Variants in DMD observed in about 807,000 individuals in gnomAD.
The protein encoded by DMD is dystrophin.
Under a neutral mutation model 330.1 loss-of-function variants are expected in DMD, and 63 were observed. That is an observed-to-expected ratio of 0.19 (90% CI 0.16 to 0.24). The LOEUF is 0.24. Among genes scored for constraint, DMD ranks in the 10% least tolerant of loss-of-function variants. The pLI is 1.00. For synonymous variants in DMD, 1,223 were observed against 959.8 expected (o/e 1.27, Z -5.07); for missense variants, 3,344 against 2,684.1 (o/e 1.25, Z -5.43).
rs398123872 is a variant in DMD at position 32,545,295 on chromosome X, G to C, written c.2032C>G (p.Gln678Glu). 28 of 1,210,959 alleles carry C rather than the reference G, an allele frequency of 2.3e-5. No homozygotes were observed. Among genetic ancestry groups the C allele is most frequent in the South Asian group, 3.5e-5 (2 of 56,990 alleles). The change falls in exon 17 of 79, where the codon CAG (glutamine) becomes GAG (glutamate). Residue 678 changes from glutamine to glutamate, a missense_variant. Coordinates refer to ENST00000357033, the MANE Select transcript of DMD (RefSeq NM_004006.3). ...AVTTTQPSLT[Q>E]TTVMETVTTV... ...GTTACTGTTTCCATTACAGTTGTCT[G>C]TGTTAGTGATGGCTGAGTGGTGGTG...
At chrX:32,937,832 G>A (rs937082298) in intron 2 of DMD, among the ~76,000 whole-genome samples, 7 of 110,539 alleles carry the variant, frequency 6.3e-5, no homozygotes, top group African/African-American at 2.0e-4. Context: ...ATATTATATA[G>A]ATTTCTGGAG....
chrX:32,452,094 A>AGGGAGAGGGAAGAGGGCC (rs1315199506), intron 26 of DMD, among the ~76,000 whole-genome samples: 1 of 108,638 alleles, frequency 9.2e-6, no homozygotes, highest in African/African-American at 3.3e-5. Flanking sequence ...AATCGCTCAT[A>AGGGAGAGGGAAGAGGGCC]GGGAGAGGGA....
intron 63 of DMD, among the ~76,000 whole-genome samples, chrX:31,248,051 C>T (rs996046541): frequency 8.9e-6 from 1 of 111,918 alleles, no homozygotes; most frequent in African/African-American, 3.2e-5. Context: ...CCATCAACAT[C>T]GAGGCAAGAC....
chrX:31,356,829 G>T (rs1362642445), intron 60 of DMD, among the ~76,000 whole-genome samples: 4 of 108,625 alleles, frequency 3.7e-5, no homozygotes, highest in African/African-American at 1.3e-4. Context: ...CTCCTATCCT[G>T]TTTCATTTGT....
At chrX:31,428,965 A>C (rs779623326) in intron 60 of DMD, among the ~76,000 whole-genome samples, 1 of 109,971 alleles carries the variant, frequency 9.1e-6, no homozygotes, top group Non-Finnish European at 1.9e-5. Flanking sequence ...ACTAAAAATA[A>C]AAAAAAACTA....
chrX:31,741,125 A>T (rs1407925572), intron 51 of DMD, among the ~76,000 whole-genome samples: 1 of 111,278 alleles, frequency 9.0e-6, no homozygotes, highest in Non-Finnish European at 1.9e-5. Flanking sequence ...ACACCTTCTG[A>T]CTCCACTTCT....
intron 16 of DMD, 98 bp downstream of exon 16, chrX:32,565,604 T>A (rs960035423): frequency 9.1e-6 from 8 of 875,953 alleles, no homozygotes; most frequent in Non-Finnish European, 1.2e-5. Context: ...CAAAAACTAA[T>A]CTGGTTGCTT....
chrX:32,265,577 A>T (rs999423997), intron 43 of DMD, among the ~76,000 whole-genome samples: 17 of 112,136 alleles, frequency 1.5e-4, no homozygotes, highest in African/African-American at 4.8e-4. Flanking sequence ...CAGACACTCA[A>T]TGCTAGCCTG....
At chrX:32,866,511 A>T (rs1390181270) in intron 2 of DMD, among the ~76,000 whole-genome samples, 1 of 111,037 alleles carries the variant, frequency 9.0e-6, no homozygotes, top group Non-Finnish European at 1.9e-5. Context: ...CAAGCTAGAA[A>T]TTATTTTACT....
chrX:31,376,515 C>T (rs1459671745), intron 60 of DMD, among the ~76,000 whole-genome samples: 2 of 111,667 alleles, frequency 1.8e-5, no homozygotes, highest in Admixed American at 9.5e-5. Context: ...TTCAGAAGCT[C>T]AAACTGGTCA....
At chrX:31,391,524 A>G (rs2060682930) in intron 60 of DMD, among the ~76,000 whole-genome samples, 1 of 111,645 alleles carries the variant, frequency 9.0e-6, no homozygotes, top group African/African-American at 3.3e-5. Context: ...TGTGCCAGAC[A>G]ATATGCCGGG....
At chrX:31,998,591 G>A (rs2150349765) in intron 44 of DMD, among the ~76,000 whole-genome samples, 1 of 111,866 alleles carries the variant, frequency 8.9e-6, no homozygotes, top group Admixed American at 9.5e-5. Context: ...CAACACTTCA[G>A]TACCTCTTCC....
chrX:32,217,436 T>G (rs1308018984), intron 43 of DMD, among the ~76,000 whole-genome samples: 1 of 111,570 alleles, frequency 9.0e-6, no homozygotes, highest in Non-Finnish European at 1.9e-5. Flanking sequence ...TGTAATAAAT[T>G]ATTTGGAAGC....
At chrX:32,396,033 A>G (rs1347430417) in intron 30 of DMD, among the ~76,000 whole-genome samples, 1 of 111,284 alleles carries the variant, frequency 9.0e-6, no homozygotes, top group African/African-American at 3.3e-5. Flanking sequence ...TCACTGCAAC[A>G]CAGGCCTTCC....
chrX:31,806,580 GT>G (rs1277286469), intron 50 of DMD, among the ~76,000 whole-genome samples: 1 of 112,558 alleles, frequency 8.9e-6, no homozygotes, highest in Non-Finnish European at 1.9e-5. Flanking sequence ...TGTATCATTT[GT>G]TCAGTTATTC....
intron 44 of DMD, among the ~76,000 whole-genome samples, chrX:32,139,867 A>G (rs116750345): frequency 0.014 from 1,602 of 112,543 alleles, 30 homozygotes; most frequent in African/African-American, 0.046. Context: ...GGGAAAATAG[A>G]GAAAGAAGAG....
chrX:32,371,819 C>T (rs779151227), intron 34 of DMD, among the ~76,000 whole-genome samples: 2 of 111,370 alleles, frequency 1.8e-5, no homozygotes, highest in Non-Finnish European at 3.8e-5. Flanking sequence ...TCTAAAATCA[C>T]AACAGTGGGG....
At chrX:32,240,295 A>G (rs1186324483) in intron 43 of DMD, among the ~76,000 whole-genome samples, 5 of 111,813 alleles carry the variant, frequency 4.5e-5, no homozygotes, top group African/African-American at 1.6e-4. Context: ...AGGTGATGAC[A>G]TTAGGAAGTG....
At chrX:31,557,792 C>T (rs951867193) in intron 55 of DMD, among the ~76,000 whole-genome samples, 1 of 110,534 alleles carries the variant, frequency 9.0e-6, no homozygotes, top group Admixed American at 9.6e-5. Context: ...GCACAATGAA[C>T]AGATTTGAGT....
Sources: gnomAD v4.1 joint callset for allele counts (sites outside exome capture counted in the v4.1 genomes callset) on GRCh38, gnomAD v4.1.1 for gene constraint, MANE v1.5 for transcripts, NCBI Gene and HGNC (gene_info 2026-07-23, HGNC 2026-07-21) for gene names.